The following BMERB1 variants were observed in gnomAD, a reference collection of about 807,000 sequenced individuals.
BMERB1 encodes bMERB domain-containing protein 1.
Under a neutral mutation model 23.6 loss-of-function variants are expected in BMERB1, and 12 were observed. The observed-to-expected ratio is 0.51, with a 90% CI of 0.33 to 0.82. BMERB1 has a LOEUF of 0.82. BMERB1 is among the 40% of genes least tolerant of loss of function. BMERB1 has a pLI of 0.03. For missense variants in BMERB1, 247 were observed against 255.4 expected, an observed-to-expected ratio of 0.97 and a Z score of 0.22; for synonymous variants, 122 against 96.6, an observed-to-expected ratio of 1.26 and a Z score of -1.54.
chr16:15,451,070 G>C (rs980864210), intron 1 of BMERB1, among the ~76,000 whole-genome samples: 7 of 152,142 alleles, frequency 4.6e-5, no homozygotes, highest in Non-Finnish European at 1.0e-4. Context: ...ATTAGTTTAA[G>C]GGGGCGTAAC....
intron 2 of BMERB1, among the ~76,000 whole-genome samples, chr16:15,530,700 G>A (rs1157006678): frequency 6.6e-6 from 1 of 152,130 alleles, no homozygotes; most frequent in African/African-American, 2.4e-5. Context: ...ATTCAATCAT[G>A]TGGGTGGTTG....
At chr16:15,563,119 C>T (rs1044089081) in intron 2 of BMERB1, among the ~76,000 whole-genome samples, 3 of 152,176 alleles carry the variant, frequency 2.0e-5, no homozygotes, top group East Asian at 1.9e-4. Context: ...CAGTGGCTCA[C>T]GCCTGTAATC....
At chr16:15,523,943 G>A (rs1243233844) in intron 2 of BMERB1, among the ~76,000 whole-genome samples, 1 of 152,170 alleles carries the variant, frequency 6.6e-6, no homozygotes, top group African/African-American at 2.4e-5. Flanking sequence ...CAACTCTCTT[G>A]AGAGTGGCTC....
chr16:15,446,160 G>A (rs1224689615), intron 1 of BMERB1, among the ~76,000 whole-genome samples: 1 of 152,198 alleles, frequency 6.6e-6, no homozygotes, highest in African/African-American at 2.4e-5. Flanking sequence ...TTGGGAGGCT[G>A]AGGCAGAATG....
intron 2 of BMERB1, among the ~76,000 whole-genome samples, chr16:15,547,428 G>A (rs141099421): frequency 0.017 from 2,565 of 150,156 alleles, 76 homozygotes; most frequent in African/African-American, 0.061. Context: ...TGCAACCTCC[G>A]CCTCCCAGGT....
intron 1 of BMERB1, chr16:15,502,404 C>A: frequency 6.6e-7 from 1 of 1,516,642 alleles, no homozygotes; most frequent in Non-Finnish European, 9.0e-7. Context: ...GGCCCAGTGG[C>A]ATCCTCTCCA....
chr16:15,558,421 C>T (rs2030326953), intron 2 of BMERB1, among the ~76,000 whole-genome samples: 1 of 151,976 alleles, frequency 6.6e-6, no homozygotes, highest in South Asian at 2.1e-4. Context: ...CATAGCCAAG[C>T]TTCCTGGATC....
chr16:15,480,274 G>T (rs1420767001), intron 1 of BMERB1, among the ~76,000 whole-genome samples: 1 of 151,576 alleles, frequency 6.6e-6, no homozygotes, highest in Non-Finnish European at 1.5e-5. Flanking sequence ...ACTATGCCCG[G>T]CTAATTTGTT....
chr16:15,527,620 A>T (rs779159849), intron 2 of BMERB1, among the ~76,000 whole-genome samples: 1 of 152,178 alleles, frequency 6.6e-6, no homozygotes, highest in Non-Finnish European at 1.5e-5. Flanking sequence ...ATAAAATAAA[A>T]AAAAAAGAAG....
Position 15,546,802 on chromosome 16 carries a change from G to T in BMERB1, c.231-21181G>T, listed in dbSNP as rs573855246. 2.0e-5 allele frequency among the ~76,000 whole-genome samples: 3 copies of T among 152,194 alleles called. No homozygotes were observed. In the East Asian group the frequency reaches 5.8e-4, roughly 29 times the overall value. On this transcript the variant is annotated intron_variant, in intron 2 of 5. Coordinates refer to ENST00000300006, the MANE Select transcript of BMERB1 (RefSeq NM_033201.3). The stretch of plus-strand genomic sequence containing the variant: ...TCTCCTGCTAAATCATGGAGGTTTG[G>T]GGACTTCCTTCACACTCCCAATAAA...
At chr16:15,575,823 T>G (rs1327198317) in intron 3 of BMERB1, among the ~76,000 whole-genome samples, 3 of 151,820 alleles carry the variant, frequency 2.0e-5, no homozygotes, top group Admixed American at 2.0e-4. Context: ...GCTTTTGCAG[T>G]TGCTTTCTGC....
chr16:15,489,055 C>T (rs1347126418), intron 1 of BMERB1, among the ~76,000 whole-genome samples: 1 of 152,122 alleles, frequency 6.6e-6, no homozygotes, highest in Non-Finnish European at 1.5e-5. Context: ...TCTTTTCCCC[C>T]AGGGGGGTTC....
chr16:15,552,318 T>G (rs1209228584), intron 2 of BMERB1, among the ~76,000 whole-genome samples: 1 of 151,984 alleles, frequency 6.6e-6, no homozygotes, highest in Non-Finnish European at 1.5e-5. Flanking sequence ...TGTGCCCCTG[T>G]AATCCCAGCT....
intron 3 of BMERB1, among the ~76,000 whole-genome samples, chr16:15,572,798 T>C (rs529534962): frequency 8.5e-5 from 13 of 152,290 alleles, no homozygotes; most frequent in African/African-American, 3.1e-4. Flanking sequence ...CCGTGTGTTG[T>C]GGGAGGGACC....
At chr16:15,576,510 T>C (rs1260151553) in intron 3 of BMERB1, among the ~76,000 whole-genome samples, 1 of 152,084 alleles carries the variant, frequency 6.6e-6, no homozygotes, top group African/African-American at 2.4e-5. Flanking sequence ...AACAAACAAT[T>C]ACTGGAAGGA....
chr16:15,528,498 T>C (rs538091597), intron 2 of BMERB1, among the ~76,000 whole-genome samples: 6 of 152,220 alleles, frequency 3.9e-5, no homozygotes, highest in African/African-American at 1.4e-4. Flanking sequence ...CATGAGATCT[T>C]GCTGGATCTG....
In BMERB1 at chr16:15,460,773, A is replaced by G. The variant is rs76084627; in HGVS notation, c.106+26014A>G. ...CCCCTCAAGGAATTTGTGGGCTGGTAAAGGAGACAGACACAGTAACAGATC... is the reference window on the plus strand; with the variant it reads ...CCCCTCAAGGAATTTGTGGGCTGGTGAAGGAGACAGACACAGTAACAGATC... On this transcript the variant is annotated intron_variant, in intron 1 of 5. Coordinates refer to ENST00000300006, the MANE Select transcript of BMERB1 (RefSeq NM_033201.3). Among the ~76,000 whole-genome samples the G allele has an allele frequency of 5.3e-3, 812 of 152,256 alleles. 3 individuals are homozygous for G. Among genetic ancestry groups the G allele is most frequent in the Middle Eastern group, 0.014 (4 of 294 alleles).
chr16:15,529,996 G>A (rs1282702496), intron 2 of BMERB1, among the ~76,000 whole-genome samples: 1 of 152,082 alleles, frequency 6.6e-6, no homozygotes, highest in Non-Finnish European at 1.5e-5. Context: ...CTTTCTGGAG[G>A]CTCTAGAGGA....
intron 1 of BMERB1, among the ~76,000 whole-genome samples, chr16:15,508,209 A>G (rs1021984374): frequency 1.3e-5 from 2 of 152,278 alleles, no homozygotes; most frequent in Middle Eastern, 3.4e-3. Context: ...CTGGCATGTG[A>G]TAAATGCTCG....
Sources: allele counts gnomAD v4.1 joint callset (sites outside exome capture counted in the v4.1 genomes callset), GRCh38; gene constraint gnomAD v4.1.1; transcripts MANE v1.5; gene names NCBI Gene and HGNC (gene_info 2026-07-23, HGNC 2026-07-21).